Variants in NLRX1 observed in about 807,000 individuals in gnomAD.
NLRX1 encodes the protein NOD-like receptor X1.
A neutral mutation model predicts 74.2 loss-of-function variants in NLRX1; 67 were observed. That is an observed-to-expected ratio of 0.90 (90% CI 0.74 to 1.11). The LOEUF (loss-of-function observed/expected upper bound fraction) is 1.11. NLRX1 is among the 50% of genes least tolerant of loss of function. The pLI, the probability that NLRX1 is intolerant of heterozygous loss-of-function variation, is 0.00. For synonymous variants in NLRX1, 506 were observed against 559.1 expected, an observed-to-expected ratio of 0.91 and a Z score of 1.34; for missense variants, 1,191 against 1,305.4, an observed-to-expected ratio of 0.91 and a Z score of 1.35.
intron 1 of NLRX1, among the ~76,000 whole-genome samples, 179 bp downstream of exon 1, chr11:119,169,481 C>T (rs1948487764): frequency 6.6e-6 from 1 of 152,210 alleles, no homozygotes; most frequent in African/African-American, 2.4e-5. Flanking sequence ...TCCGCAGCCC[C>T]TGGGACGGGC....
chr11:119,181,147 C>T, intron 7 of NLRX1, 24 bp from the exon 8 acceptor site: 1 of 1,588,638 alleles, frequency 6.3e-7, no homozygotes, highest in Non-Finnish European at 8.6e-7. Context: ...CTCTCACCTC[C>T]CCTCTGGCCA....
chr11:119,172,430 G>C lies in NLRX1; in HGVS notation c.140+5G>C. ...GCGTCCCTTTGGGCCCCCTAGGTGA[G>C]GCCTGGGTGTCATACCTTAGGACTA... On this transcript the variant is annotated splice_donor_5th_base_variant and intron_variant, in intron 3 of 9. Transcript: ENST00000409109. 6.2e-7 allele frequency: 1 copy of C among 1,607,306 alleles called. No individual in the cohort carries two copies. Among genetic ancestry groups the C allele is most frequent in the Non-Finnish European group, 8.5e-7 (1 of 1,173,828 alleles).
At position 119,183,975 on chromosome 11, in the gene NLRX1, A is replaced by G. The variant is rs1174044747; in HGVS notation, c.*536A>G. 1.3e-6 allele frequency: 1 copy of G among 765,728 alleles called. No individual in the cohort carries two copies. The highest frequency in any genetic ancestry group is 2.4e-6 in the Non-Finnish European group (1 of 408,238). 47.4% of individuals were successfully genotyped at this position (765,728 alleles called of 1,614,324 possible). A position where few individuals can be genotyped will look rare whatever the true frequency, so the allele number is the denominator to read the frequency against. The stretch of plus-strand genomic sequence containing the variant: ...CTTGGTAGCCCCTCGAGGCAGATGC[A>G]CCTGACTTGCTGCTATTAAAAAGCC... On this transcript the variant is annotated 3_prime_UTR_variant, in exon 10 of 10. Transcript: ENST00000409109. The surrounding 1 kb of genome is among the most constrained non-coding windows in gnomAD (Gnocchi z 5.7).
At chr11:119,176,968 T>C (rs1048962026) in intron 6 of NLRX1, among the ~76,000 whole-genome samples, 3 of 152,232 alleles carry the variant, frequency 2.0e-5, no homozygotes, top group African/African-American at 7.2e-5. Context: ...GTGCCTCAGA[T>C]TCCTTATCTG....
At chr11:119,170,475 A>G (rs1948513961) in intron 1 of NLRX1, among the ~76,000 whole-genome samples, 1 of 152,188 alleles carries the variant, frequency 6.6e-6, no homozygotes, top group East Asian at 1.9e-4. Flanking sequence ...GAGGGGAATG[A>G]TGAGTTCAGT....
intron 1 of NLRX1, among the ~76,000 whole-genome samples, chr11:119,170,655 T>C (rs1048972992): frequency 6.6e-6 from 1 of 152,176 alleles, no homozygotes; most frequent in African/African-American, 2.4e-5. Context: ...GGATCTGATA[T>C]CTGCGGAAGA....
chr11:119,179,881 C>G lies in NLRX1; in HGVS notation c.1860C>G (p.Phe620Leu). ...HPDEPPEDEV[F>L]ELFPMFMGGL... The stretch of plus-strand genomic sequence containing the variant: ...ATGAGCCCCCTGAGGATGAAGTCTT[C>G]GAGCTCTTCCCCATGTTCATGGGGG... The change falls in exon 7 of 10, where the codon TTC becomes TTG. Residue 620 changes from phenylalanine (F) to leucine (L), a missense_variant. Coordinates refer to ENST00000409109, the MANE Select transcript of NLRX1 (RefSeq NM_001282144.2). The G allele has an allele frequency of 6.2e-7, 1 of 1,613,448 alleles. No individual in the cohort carries two copies. Among genetic ancestry groups the G allele is most frequent in the Non-Finnish European group, 8.5e-7 (1 of 1,179,602 alleles).
At position 119,183,621 on chromosome 11, in the gene NLRX1, C is replaced by A; in HGVS notation, c.*182C>A. 1 of 721,752 alleles carries A rather than the reference C, an allele frequency of 1.4e-6. No individual in the cohort carries two copies. 44.7% of individuals were successfully genotyped at this position (721,752 alleles called of 1,614,324 possible). A position where few individuals can be genotyped will look rare whatever the true frequency, so the allele number is the denominator to read the frequency against. ...TGACCAGGACTGAGTCTGGAATCTC[C>A]AAGTTAAAGATGGTGAATCAATGCT... On this transcript the variant is annotated 3_prime_UTR_variant, in exon 10 of 10. Coordinates refer to ENST00000409109, the MANE Select transcript of NLRX1 (RefSeq NM_001282144.2). The surrounding 1 kb of genome is among the most constrained non-coding windows in gnomAD (Gnocchi z 5.7).
In NLRX1 at chr11:119,173,957, C is replaced by T. The variant is rs1948623318; in HGVS notation, c.708C>T (p.His236=). Residue 236 remains histidine (H), a synonymous_variant, in exon 5 of 10, where the codon CAC becomes CAT. Transcript: ENST00000409109. The surrounding 1 kb of genome is among the most constrained non-coding windows in gnomAD (Gnocchi z 4.0). ...CCCTGATGGCTGCTGCTGGGTCCCA[C>T]CTCCTCTTTGTGCTCCATGGCTTAG... is the stretch of plus-strand genomic sequence containing the variant. ...VLPLMAAAGS[H]LLFVLHGLEH... 3.7e-6 allele frequency: 6 copies of T among 1,613,976 alleles called. No individual in the cohort carries two copies. Among genetic ancestry groups the T allele is most frequent in the South Asian group, 1.1e-5 (1 of 91,084 alleles).
intron 6 of NLRX1, among the ~76,000 whole-genome samples, chr11:119,179,177 G>A (rs1240547989): frequency 1.3e-5 from 2 of 152,182 alleles, no homozygotes; most frequent in Non-Finnish European, 1.5e-5. Flanking sequence ...TACCTAGCCC[G>A]GTCCCAAACT....
chr11:119,183,270 A>G lies in NLRX1; in HGVS notation c.2759A>G (p.Asn920Ser), dbSNP rs1236744165. The change falls in exon 10 of 10, where the codon AAC becomes AGC. Residue 920 changes from asparagine to serine, a missense_variant. By Grantham distance (46) the Asn-to-Ser change is conservative. Transcript: ENST00000409109. The surrounding 1 kb of genome is among the most constrained non-coding windows in gnomAD (Gnocchi z 5.7). ...GTGATCCTCAGTGAAGTCCAGCGGA[A>G]CCTCAATAGCTGGGATCGGGCCCGG... ...WSVILSEVQR[N>S]LNSWDRARVQ... 3.1e-6 allele frequency: 5 copies of G among 1,613,998 alleles called. No homozygotes were observed. The highest frequency in any genetic ancestry group is 3.4e-6 in the Non-Finnish European group (4 of 1,180,018).
At chr11:119,171,526 C>T in intron 2 of NLRX1, 53 bp downstream of exon 2, 1 of 1,301,644 alleles carries the variant, frequency 7.7e-7, no homozygotes, top group Non-Finnish European at 1.1e-6. Flanking sequence ...TTTCCAGGGT[C>T]CACATGATGC....
chr11:119,174,710 C>T lies in NLRX1; in HGVS notation c.1107C>T (p.Phe369=). Reference sequence around the variant, plus strand: ...ACCACCAGATAGCCGCTGCCTGCTTCCTGCCGTCCTATTGCTGGCTCGTTT... The same window carrying T: ...ACCACCAGATAGCCGCTGCCTGCTTTCTGCCGTCCTATTGCTGGCTCGTTT... The part of the protein sequence containing the change: ...EGHHQIAAAC[F]LPSYCWLVCA... Residue 369 remains phenylalanine (F), a synonymous_variant, in exon 6 of 10, where the codon TTC becomes TTT. Coordinates refer to ENST00000409109, the MANE Select transcript of NLRX1 (RefSeq NM_001282144.2). The T allele has an allele frequency of 1.2e-6, 2 of 1,613,984 alleles. No individual in the cohort carries two copies. The highest frequency in any genetic ancestry group is 4.5e-5 in the East Asian group (2 of 44,886).
Position 119,183,497 on chromosome 11 carries a change from T to C in NLRX1, c.*58T>C. ...ACTGGCCCTAAACCTTTTCCCTCTG[T>C]GGCCTCCTGGCTTGCACTGCTCCCT... is the stretch of plus-strand genomic sequence containing the variant. On this transcript the variant is annotated 3_prime_UTR_variant, in exon 10 of 10. Transcript: ENST00000409109. This position sits in a 1 kb window ranked among gnomAD's most constrained non-coding sequence, Gnocchi z 5.7. 1 of 1,487,720 alleles carries C rather than the reference T, an allele frequency of 6.7e-7. No homozygotes were observed. The highest frequency in any genetic ancestry group is 9.1e-7 in the Non-Finnish European group (1 of 1,098,006). 92.2% of individuals were successfully genotyped at this position (1,487,720 alleles called of 1,614,324 possible).
At position 119,169,610 on chromosome 11, in the gene NLRX1, G is replaced by T. The variant is rs189435785; in HGVS notation, c.-49+308G>T. ...CCGATCTCAGTGGAGGAGACCAGGT[G>T]CCAAATAGGGGCACATTCCATTTAA... is the stretch of plus-strand genomic sequence containing the variant. On this transcript the variant is annotated intron_variant, in intron 1 of 9. Coordinates refer to ENST00000409109, the MANE Select transcript of NLRX1 (RefSeq NM_001282144.2). 2.5e-3 allele frequency among the ~76,000 whole-genome samples: 379 copies of T among 152,354 alleles called. 1 individual carries two copies. The highest frequency in any genetic ancestry group is 5.4e-3 in the Admixed American group (83 of 15,308).
Position 119,183,442 on chromosome 11 carries a change from C to T in NLRX1, c.*3C>T. On this transcript the variant is annotated 3_prime_UTR_variant, in exon 10 of 10. Coordinates refer to ENST00000409109, the MANE Select transcript of NLRX1 (RefSeq NM_001282144.2). The surrounding 1 kb of genome is among the most constrained non-coding windows in gnomAD (Gnocchi z 5.7). ...AGCTGGGAAGCTCTGGAAGCTGAGA[C>T]ACTGGCGGCAGGCACCTAGCTATGT... The T allele has an allele frequency of 1.2e-6, 2 of 1,608,866 alleles. No individual in the cohort carries two copies. The highest frequency in any genetic ancestry group is 1.7e-6 in the Non-Finnish European group (2 of 1,178,686).
intron 7 of NLRX1, 74 bp from the exon 8 acceptor site, chr11:119,181,097 T>A: frequency 9.8e-7 from 1 of 1,019,062 alleles, no homozygotes; most frequent in Admixed American, 1.7e-5. Flanking sequence ...AAAAAAGGCA[T>A]GGTAGATGGA....
Position 119,179,574 on chromosome 11 carries a change from C to G in NLRX1, c.1672-119C>G, listed in dbSNP as rs895749927. The G allele has an allele frequency of 6.0e-6, 5 of 827,068 alleles. No individual in the cohort carries two copies. The African/African-American group carries it at 8.6e-5, about 14-fold the overall frequency. The allele number at this position is 827,068 out of a possible 1,614,324, so 51.2% of individuals were successfully genotyped here. A position where few individuals can be genotyped will look rare whatever the true frequency, so the allele number is the denominator to read the frequency against. On this transcript the variant is annotated intron_variant, in intron 6 of 9. Transcript: ENST00000409109. ...GAGTAGCATGATCAGACAAATTATGCTAAGTTCAAGGGGAGATCACAGGGC... is the reference window on the plus strand; with the variant it reads ...GAGTAGCATGATCAGACAAATTATGGTAAGTTCAAGGGGAGATCACAGGGC...
chr11:119,176,067 C>G (rs1250557165), intron 6 of NLRX1, among the ~76,000 whole-genome samples: 1 of 152,152 alleles, frequency 6.6e-6, no homozygotes, highest in Non-Finnish European at 1.5e-5. Context: ...CTTTGTGATT[C>G]TGAATCCTGT....
Sources: allele counts gnomAD v4.1 joint callset (sites outside exome capture counted in the v4.1 genomes callset), GRCh38; gene constraint gnomAD v4.1.1; non-coding constraint Gnocchi (gnomAD v3.1); transcripts MANE v1.5; gene names NCBI Gene and HGNC (gene_info 2026-07-23, HGNC 2026-07-21).